The following FERRY3 variants were observed in gnomAD, a reference collection of about 807,000 sequenced individuals.
The protein encoded by FERRY3 is FERRY endosomal RAB5 effector complex subunit 3, also known as protein C12orf4.
the FERRY3 span, among the ~76,000 whole-genome samples, chr12:4,515,530 A>C: frequency 6.6e-6 from 1 of 152,206 alleles, no homozygotes; most frequent in Non-Finnish European, 1.5e-5. Flanking sequence ...AGCATCCTGG[A>C]GGATGCTAAG....
the FERRY3 span, chr12:4,534,249 C>G: frequency 1.9e-6 from 3 of 1,612,606 alleles, no homozygotes; most frequent in Non-Finnish European, 2.5e-6. Flanking sequence ...GCATCTCTAT[C>G]ATAATCGCTG....
the FERRY3 span, chr12:4,488,569 C>A: frequency 6.6e-6 from 1 of 152,168 alleles, no homozygotes; most frequent in South Asian, 2.1e-4. This position sits in a 1 kb window ranked among gnomAD's most constrained non-coding sequence, Gnocchi z 4.9. Context: ...CCTGGACAAA[C>A]CTTTCCCTCG....
chr12:4,516,372 T>A, the FERRY3 span, among the ~76,000 whole-genome samples: 2 of 152,220 alleles, frequency 1.3e-5, no homozygotes, highest in Admixed American at 1.3e-4. Flanking sequence ...TGGGTATATA[T>A]CCAAAGGAAT....
chr12:4,500,321 C>T, the FERRY3 span: 1 of 1,613,716 alleles, frequency 6.2e-7, no homozygotes, highest in South Asian at 1.1e-5. Context: ...GATTAGAATG[C>T]CGTGTAATAT....
the FERRY3 span, among the ~76,000 whole-genome samples, chr12:4,490,210 T>C: frequency 6.6e-6 from 1 of 152,174 alleles, no homozygotes; most frequent in African/African-American, 2.4e-5. Flanking sequence ...GAATACAGAA[T>C]CATTATCTGC....
the FERRY3 span, chr12:4,500,416 T>C: frequency 1.5e-6 from 2 of 1,297,500 alleles, no homozygotes; most frequent in East Asian, 2.4e-5. Flanking sequence ...TATAAGTAAG[T>C]GTAATGGGCA....
At chr12:4,510,089 G>A in the FERRY3 span, among the ~76,000 whole-genome samples, 5 of 140,330 alleles carry the variant, frequency 3.6e-5, no homozygotes, top group Admixed American at 1.4e-4. Flanking sequence ...CGAGATCTAC[G>A]TGAAGAATGC....
the FERRY3 span, among the ~76,000 whole-genome samples, chr12:4,512,368 G>C: frequency 6.6e-6 from 1 of 152,166 alleles, no homozygotes; most frequent in Admixed American, 6.5e-5. Context: ...GGAAAAGAGG[G>C]AATCCTCCCT....
At chr12:4,530,060 A>G in the FERRY3 span, 1 of 1,598,746 alleles carries the variant, frequency 6.3e-7, no homozygotes. Flanking sequence ...TCTACAAGAT[A>G]ATATACAGAC....
At chr12:4,505,971 A>G in the FERRY3 span, among the ~76,000 whole-genome samples, 3 of 152,160 alleles carry the variant, frequency 2.0e-5, no homozygotes, top group Non-Finnish European at 4.4e-5. Flanking sequence ...GATAGGTGAA[A>G]CTGTTTCAAA....
the FERRY3 span, among the ~76,000 whole-genome samples, chr12:4,518,568 G>T: frequency 6.6e-6 from 1 of 152,084 alleles, no homozygotes; most frequent in Non-Finnish European, 1.5e-5. Context: ...TATAAAAAAA[G>T]TTGCAGCGGT....
the FERRY3 span, among the ~76,000 whole-genome samples, chr12:4,503,407 G>C: frequency 6.6e-6 from 1 of 152,054 alleles, no homozygotes; most frequent in Admixed American, 6.5e-5. Flanking sequence ...TTCCTTACAA[G>C]GTTATTATGA....
chr12:4,513,956 C>T, the FERRY3 span, among the ~76,000 whole-genome samples: 1 of 151,512 alleles, frequency 6.6e-6, no homozygotes, highest in African/African-American at 2.4e-5. Context: ...AGTGAACAGG[C>T]AACCTACAAA....
At chr12:4,534,438 C>T in the FERRY3 span, 1 of 973,386 alleles carries the variant, frequency 1.0e-6, no homozygotes, top group Non-Finnish European at 1.4e-6. Context: ...GTCTCTCTCT[C>T]TGTTACACAG....
chr12:4,536,237 G>C, the FERRY3 span: 2 of 1,348,842 alleles, frequency 1.5e-6, no homozygotes, highest in Admixed American at 5.0e-5. Context: ...AAAAGCAGTA[G>C]GTTATAAGTC....
At chr12:4,536,635 T>C in the FERRY3 span, among the ~76,000 whole-genome samples, 7 of 152,020 alleles carry the variant, frequency 4.6e-5, no homozygotes, top group East Asian at 5.8e-4. Flanking sequence ...CTGGAGAACT[T>C]AGAGGTTGTG....
chr12:4,533,552 T>C, the FERRY3 span, among the ~76,000 whole-genome samples: 1 of 152,200 alleles, frequency 6.6e-6, no homozygotes, highest in Non-Finnish European at 1.5e-5. Context: ...CATTCTCTCA[T>C]AGTTTAATTT....
chr12:4,517,250 C>T, the FERRY3 span: 1 of 1,388,206 alleles, frequency 7.2e-7, no homozygotes, highest in Non-Finnish European at 9.5e-7. Flanking sequence ...TTAGTATTTA[C>T]TTACAATGAG....
At chr12:4,533,392 C>T in the FERRY3 span, among the ~76,000 whole-genome samples, 105 of 152,300 alleles carry the variant, frequency 6.9e-4, no homozygotes, top group Admixed American at 1.1e-3. Flanking sequence ...CTTCCTATTT[C>T]CACACTCCCA....
Sources: allele counts gnomAD v4.1 joint callset (sites outside exome capture counted in the v4.1 genomes callset), GRCh38; gene constraint gnomAD v4.1.1; non-coding constraint Gnocchi (gnomAD v3.1); transcripts MANE v1.5; gene names NCBI Gene and HGNC (gene_info 2026-07-23, HGNC 2026-07-21).